The following PCDHA2 variants were observed in gnomAD, a reference collection of about 807,000 sequenced individuals.
PCDHA2 encodes protocadherin alpha-2.
Under a neutral mutation model 66.0 loss-of-function variants are expected in PCDHA2, and 58 were observed. The ratio of observed to expected loss-of-function variants is 0.88; its 90% CI spans 0.71 to 1.09. The LOEUF (loss-of-function observed/expected upper bound fraction) is 1.09, where lower values mean the gene tolerates loss of function less well. Ranked by LOEUF, PCDHA2 falls within the 50% of genes least tolerant of loss-of-function variation. The pLI is 0.00. For synonymous variants in PCDHA2, 634 were observed against 554.0 expected (o/e 1.14, Z -2.03); for missense variants, 1,267 against 1,242.3 (o/e 1.02, Z -0.30).
At chr5:140,886,654 T>C (rs2061065769) in intron 1 of PCDHA2, among the ~76,000 whole-genome samples, 1 of 151,782 alleles carries the variant, frequency 6.6e-6, no homozygotes, top group African/African-American at 2.4e-5. Context: ...GGTGAAACCC[T>C]GTCTCTACTA....
At position 141,000,421 on chromosome 5, in the gene PCDHA2, A is replaced by ATTTTTT. The variant is rs34755515; in HGVS notation, c.2537-9188_2537-9183dup. On this transcript the variant is annotated intron_variant, in intron 3 of 3. Coordinates refer to ENST00000526136, the MANE Select transcript of PCDHA2 (RefSeq NM_018905.3). ...TATATATATATATATATATATATAT[A>ATTTTTT]TTTTTTTTTTTTTTTTTTTTTTTGA... 3.2e-4 allele frequency among the ~76,000 whole-genome samples: 9 copies of ATTTTTT among 27,978 alleles called. 1 individual carries two copies. The highest frequency in any genetic ancestry group is 5.3e-4 in the African/African-American group (3 of 5,638). 18.4% of individuals were successfully genotyped at this position (27,978 alleles called of 152,430 possible).
chr5:140,900,276 A>G (rs1228583402), intron 1 of PCDHA2, among the ~76,000 whole-genome samples: 1 of 151,558 alleles, frequency 6.6e-6, no homozygotes, highest in Non-Finnish European at 1.5e-5. Context: ...TATATGTACC[A>G]CACTTTCTTT....
At chr5:140,931,260 T>G (rs576177407) in intron 1 of PCDHA2, among the ~76,000 whole-genome samples, 1 of 152,156 alleles carries the variant, frequency 6.6e-6, no homozygotes, top group South Asian at 2.1e-4. Context: ...GAAATTTCAC[T>G]ATTTATTTCT....
At chr5:140,848,356 A>T in intron 1 of PCDHA2, 1 of 1,038,310 alleles carries the variant, frequency 9.6e-7, no homozygotes, top group Non-Finnish European at 1.4e-6. Flanking sequence ...CCCTTTTCCC[A>T]TGGGAAAGAG....
chr5:140,968,899 A>T (rs782594245), intron 1 of PCDHA2: 7 of 1,614,130 alleles, frequency 4.3e-6, no homozygotes, highest in Non-Finnish European at 5.1e-6. Flanking sequence ...TAATAATAGC[A>T]TTAAGCACAG....
intron 1 of PCDHA2, chr5:140,857,200 C>A: frequency 1.3e-6 from 2 of 1,598,618 alleles, no homozygotes; most frequent in East Asian, 2.2e-5. Flanking sequence ...ACGGACAGGT[C>A]ACCTGCTCTC....
At chr5:140,947,086 CTG>C (rs1554218047) in intron 1 of PCDHA2, among the ~76,000 whole-genome samples, 1 of 151,518 alleles carries the variant, frequency 6.6e-6, no homozygotes, top group African/African-American at 2.4e-5. Context: ...AAACATCAGA[CTG>C]TAGCCCATAA....
chr5:140,857,575 G>A (rs781888670), intron 1 of PCDHA2: 4 of 1,596,658 alleles, frequency 2.5e-6, no homozygotes, highest in East Asian at 4.5e-5. Context: ...ACGTGTCGGT[G>A]CACGCGGAGA....
At chr5:140,830,696 C>T (rs2150102603) in intron 1 of PCDHA2, 2 of 283,892 alleles carry the variant, frequency 7.0e-6, no homozygotes, top group East Asian at 1.4e-4. Flanking sequence ...CAATCTGCAC[C>T]TCAGAATTTT....
intron 1 of PCDHA2, among the ~76,000 whole-genome samples, chr5:140,945,201 T>C (rs1168662297): frequency 2.6e-5 from 4 of 152,054 alleles, no homozygotes; most frequent in Non-Finnish European, 5.9e-5. Flanking sequence ...CTATTTACAA[T>C]AGCTATGAGA....
chr5:140,957,702 A>C (rs930331275), intron 1 of PCDHA2, among the ~76,000 whole-genome samples: 4 of 152,158 alleles, frequency 2.6e-5, no homozygotes, highest in Non-Finnish European at 5.9e-5. Context: ...AACATTATGT[A>C]GTTTTTATTA....
chr5:140,824,182 T>A, intron 1 of PCDHA2: 1 of 1,608,398 alleles, frequency 6.2e-7, no homozygotes, highest in South Asian at 1.1e-5. Context: ...AAATATTAAA[T>A]GTCACATTCA....
intron 1 of PCDHA2, chr5:140,824,268 T>C: frequency 8.2e-7 from 1 of 1,223,618 alleles, no homozygotes; most frequent in Non-Finnish European, 1.2e-6. Context: ...CTAATTCATG[T>C]ATTATATGCT....
At position 140,856,409 on chromosome 5, in the gene PCDHA2, G is replaced by A; in HGVS notation, c.2388+59057G>A. 1.3e-6 allele frequency: 2 copies of A among 1,598,530 alleles called. 1 individual carries two copies. Among genetic ancestry groups the A allele is most frequent in the Non-Finnish European group, 1.7e-6 (2 of 1,167,974 alleles). On this transcript the variant is annotated intron_variant, in intron 1 of 3. Coordinates refer to ENST00000526136, the MANE Select transcript of PCDHA2 (RefSeq NM_018905.3). ...GCTGCAGGTTTTCCATGTGGACGTG[G>A]AAGTGAAGGACATTAACGACAACCC...
intron 3 of PCDHA2, among the ~76,000 whole-genome samples, chr5:140,989,765 C>G (rs2097359812): frequency 6.6e-6 from 1 of 152,286 alleles, no homozygotes. Context: ...ATATTCAGTT[C>G]AAGCACTGGC....
rs782371814 is a variant in PCDHA2 at position 140,882,829 on chromosome 5, G to A, written c.2388+85477G>A. On this transcript the variant is annotated intron_variant, in intron 1 of 3. Transcript: ENST00000526136. Reference sequence around the variant, plus strand: ...CTTTGGACGCACAAAACAGTCTTGAGCAAATGTCTTCATTATCACTTGTAC... The same window carrying A: ...CTTTGGACGCACAAAACAGTCTTGAACAAATGTCTTCATTATCACTTGTAC... The A allele has an allele frequency of 5.6e-6, 9 of 1,614,206 alleles. No homozygotes were observed. The South Asian group carries it at 8.8e-5, about 16-fold the overall frequency.
chr5:140,921,345 A>C (rs1411062408), intron 1 of PCDHA2, among the ~76,000 whole-genome samples: 1 of 152,120 alleles, frequency 6.6e-6, no homozygotes, highest in African/African-American at 2.4e-5. Context: ...CACATAATAT[A>C]TTTGCCTATA....
At chr5:140,814,067 AT>A (rs1428108112) in intron 1 of PCDHA2, 2 of 153,412 alleles carry the variant, frequency 1.3e-5, no homozygotes, top group African/African-American at 4.8e-5. Flanking sequence ...GTAAACTTAA[AT>A]TTTTTAACCT....
chr5:140,821,769 G>A, intron 1 of PCDHA2: 1 of 1,602,728 alleles, frequency 6.2e-7, no homozygotes, highest in South Asian at 1.1e-5. Flanking sequence ...ATTGGAACGA[G>A]ATTGAGATGG....
Sources: gnomAD v4.1 joint callset for allele counts (sites outside exome capture counted in the v4.1 genomes callset) on GRCh38, gnomAD v4.1.1 for gene constraint, MANE v1.5 for transcripts, NCBI Gene and HGNC (gene_info 2026-07-23, HGNC 2026-07-21) for gene names.